B3GALT1: variants seen among roughly 807,000 people sequenced by gnomAD.
The protein encoded by B3GALT1 is UDP-Gal:betaGlcNAc beta 1,3-galactosyltransferase, polypeptide 1.
A neutral mutation model predicts 23.2 loss-of-function variants in B3GALT1; 10 were observed. The observed-to-expected ratio is 0.43, with a 90% CI of 0.27 to 0.73. The LOEUF is 0.73. Ranked by LOEUF, B3GALT1 falls within the 30% of genes least tolerant of loss-of-function variation. The pLI is 0.21. For synonymous variants in B3GALT1, 156 were observed against 141.5 expected, an observed-to-expected ratio of 1.10 and a Z score of -0.73; for missense variants, 299 against 405.4, an observed-to-expected ratio of 0.74 and a Z score of 2.25.
chr2:167,845,770 C>G lies in B3GALT1; in HGVS notation c.-229-23041C>G, dbSNP rs1476563693. ...CAATGGATCCAAACCAAGAAGAAAT[C>G]CCTGATTTACCTGAAAAAGCATTCA... is the stretch of plus-strand genomic sequence containing the variant. On this transcript the variant is annotated intron_variant, in intron 4 of 4. Transcript: ENST00000392690. 2.0e-5 allele frequency among the ~76,000 whole-genome samples: 3 copies of G among 151,264 alleles called. No individual in the cohort carries two copies. In the East Asian group the frequency reaches 5.8e-4, roughly 29 times the overall value.
At chr2:167,434,298 T>C (rs1002852427) in intron 1 of B3GALT1, among the ~76,000 whole-genome samples, 1 of 152,112 alleles carries the variant, frequency 6.6e-6, no homozygotes, top group African/African-American at 2.4e-5. Context: ...CCATCCCACA[T>C]TTGTTCTACA....
chr2:167,550,109 G>T (rs1368048516), intron 2 of B3GALT1, among the ~76,000 whole-genome samples: 2 of 152,116 alleles, frequency 1.3e-5, no homozygotes, highest in African/African-American at 4.8e-5. Context: ...GTAACAGTTG[G>T]TTCTAATCTC....
chr2:167,540,579 T>C (rs1683518362), intron 2 of B3GALT1, among the ~76,000 whole-genome samples: 1 of 152,178 alleles, frequency 6.6e-6, no homozygotes, highest in South Asian at 2.1e-4. Context: ...AAAAACCTGG[T>C]GCTTACTTTC....
rs529669431 is a variant in B3GALT1 at position 167,603,782 on chromosome 2, T to C, written c.-409-43127T>C. Among the ~76,000 whole-genome samples the C allele has an allele frequency of 1.7e-4, 26 of 152,298 alleles. No individual in the cohort carries two copies. The East Asian group carries it at 4.8e-3, about 28-fold the overall frequency. ...TTGTCCTCATTGGGAGATTCTACTA[T>C]TGTGAAACGCAAGAGACTGTCATCA... On this transcript the variant is annotated intron_variant, in intron 2 of 4. Coordinates refer to ENST00000392690, the MANE Select transcript of B3GALT1 (RefSeq NM_020981.4).
chr2:167,373,407 G>A (rs1293356274), intron 1 of B3GALT1, among the ~76,000 whole-genome samples: 1 of 150,652 alleles, frequency 6.6e-6, no homozygotes, highest in African/African-American at 2.4e-5. Context: ...ACAACACTAA[G>A]TAAAATGTTG....
intron 1 of B3GALT1, among the ~76,000 whole-genome samples, chr2:167,383,867 C>T (rs1182101694): frequency 3.3e-5 from 5 of 152,114 alleles, no homozygotes; most frequent in Admixed American, 6.5e-5. Context: ...TAGCTTCTTC[C>T]GCATTTCAAG....
At chr2:167,866,750 C>T (rs940468618) in intron 4 of B3GALT1, among the ~76,000 whole-genome samples, 11 of 152,110 alleles carry the variant, frequency 7.2e-5, no homozygotes, top group Non-Finnish European at 1.0e-4. Flanking sequence ...ATAGGTGGCT[C>T]ACAATGGAGT....
At chr2:167,726,401 T>A (rs1687316512) in intron 3 of B3GALT1, among the ~76,000 whole-genome samples, 2 of 152,178 alleles carry the variant, frequency 1.3e-5, no homozygotes, top group Admixed American at 1.3e-4. Flanking sequence ...CATATTGCCC[T>A]GCCCAAGACA....
At chr2:167,715,399 C>G in intron 3 of B3GALT1, 4 of 1,612,906 alleles carry the variant, frequency 2.5e-6, no homozygotes, top group Non-Finnish European at 3.4e-6. Flanking sequence ...AAAGCTGTTT[C>G]TGGCTTTCCT....
intron 2 of B3GALT1, among the ~76,000 whole-genome samples, chr2:167,523,769 A>G (rs936477342): frequency 1.3e-5 from 2 of 152,126 alleles, no homozygotes; most frequent in Admixed American, 6.6e-5. Context: ...TTCTACACAA[A>G]CAAGAGCAGT....
At chr2:167,763,177 CG>C (rs1310795075) in intron 3 of B3GALT1, among the ~76,000 whole-genome samples, 1 of 151,804 alleles carries the variant, frequency 6.6e-6, no homozygotes, top group Admixed American at 6.6e-5. Flanking sequence ...AGAATGTATA[CG>C]GGGTTATACT....
chr2:167,833,459 C>T (rs759517052), intron 4 of B3GALT1, among the ~76,000 whole-genome samples: 20 of 152,140 alleles, frequency 1.3e-4, no homozygotes, highest in Non-Finnish European at 2.9e-4. Context: ...AATTCAATTC[C>T]TTAAGATTCG....
At chr2:167,650,294 C>T (rs1319068526) in intron 3 of B3GALT1, among the ~76,000 whole-genome samples, 1 of 148,110 alleles carries the variant, frequency 6.8e-6, no homozygotes, top group East Asian at 2.0e-4. Context: ...CAAAAGAAAC[C>T]ACTTGATCTA....
At chr2:167,598,662 G>T (rs528193904) in intron 2 of B3GALT1, among the ~76,000 whole-genome samples, 4 of 152,260 alleles carry the variant, frequency 2.6e-5, no homozygotes, top group South Asian at 4.2e-4. Flanking sequence ...CTCACGTGGC[G>T]TGTCCATCTC....
intron 4 of B3GALT1, among the ~76,000 whole-genome samples, chr2:167,829,807 T>A (rs1221256563): frequency 6.6e-6 from 1 of 151,886 alleles, no homozygotes; most frequent in African/African-American, 2.4e-5. Flanking sequence ...GCGCGGAGAA[T>A]GGGGTGGGAA....
chr2:167,471,445 T>C (rs769560654), intron 1 of B3GALT1, among the ~76,000 whole-genome samples: 6 of 152,110 alleles, frequency 3.9e-5, no homozygotes, highest in Non-Finnish European at 7.3e-5. Context: ...GGTTTTGGAG[T>C]TGAAGATTTC....
At chr2:167,825,459 TGCAC>T (rs554284477) in intron 4 of B3GALT1, among the ~76,000 whole-genome samples, 3,634 of 145,330 alleles carry the variant, frequency 0.025, 154 homozygotes, top group African/African-American at 0.09. Context: ...TGTGTGTGCG[TGCAC>T]GTGTGTGTGT....
intron 3 of B3GALT1, among the ~76,000 whole-genome samples, chr2:167,794,744 G>T (rs920528218): frequency 6.6e-6 from 1 of 152,098 alleles, no homozygotes; most frequent in Non-Finnish European, 1.5e-5. Flanking sequence ...GTTTAGTTTG[G>T]AATGCACTAA....
chr2:167,537,064 C>G (rs1383139635), intron 2 of B3GALT1, among the ~76,000 whole-genome samples: 1 of 152,080 alleles, frequency 6.6e-6, no homozygotes, highest in Non-Finnish European at 1.5e-5. Flanking sequence ...AATTCCAAGT[C>G]TGGGTAATTT....
Sources: allele counts gnomAD v4.1 joint callset (sites outside exome capture counted in the v4.1 genomes callset), GRCh38; gene constraint gnomAD v4.1.1; transcripts MANE v1.5; gene names NCBI Gene and HGNC (gene_info 2026-07-23, HGNC 2026-07-21).